The following ACAP2 variants were observed in gnomAD, a reference collection of about 807,000 sequenced individuals.
The protein encoded by ACAP2 is ArfGAP with coiled-coil, ankyrin repeat and PH domains 2.
Under a neutral mutation model 115.8 loss-of-function variants are expected in ACAP2, and 39 were observed. The ratio of observed to expected loss-of-function variants is 0.34; its 90% CI spans 0.26 to 0.44. The LOEUF is 0.44. ACAP2 is among the 20% of genes least tolerant of loss of function. ACAP2 has a pLI of 1.00. For missense variants in ACAP2, 662 were observed against 927.6 expected (o/e 0.71, Z 3.72); for synonymous variants, 289 against 315.8 (o/e 0.92, Z 0.90).
At chr3:195,338,074 A>G (rs997594670) in intron 6 of ACAP2, among the ~76,000 whole-genome samples, 3 of 152,144 alleles carry the variant, frequency 2.0e-5, no homozygotes, top group Non-Finnish European at 4.4e-5. Context: ...CTCAAATACC[A>G]TCTCCTCACA....
At chr3:195,366,958 C>A (rs910051848) in intron 4 of ACAP2, among the ~76,000 whole-genome samples, 1 of 151,382 alleles carries the variant, frequency 6.6e-6, no homozygotes, top group Non-Finnish European at 1.5e-5. Flanking sequence ...ACTACTCAAC[C>A]CTGCTGCTGT....
intron 1 of ACAP2, among the ~76,000 whole-genome samples, chr3:195,423,622 C>CA (rs59649323): frequency 0.2 from 18,502 of 92,306 alleles, 1,770 homozygotes; most frequent in Admixed American, 0.28. Flanking sequence ...GACTCCGTCT[C>CA]AAAAAAAAAA....
intron 1 of ACAP2, among the ~76,000 whole-genome samples, chr3:195,426,488 T>C (rs1714694332): frequency 6.6e-6 from 1 of 152,208 alleles, no homozygotes; most frequent in Non-Finnish European, 1.5e-5. Context: ...GCAAGTAACC[T>C]AAGAGTGTTA....
At chr3:195,295,393 A>C (rs1306382650) in intron 17 of ACAP2, 5 of 680,694 alleles carry the variant, frequency 7.3e-6, no homozygotes, top group Non-Finnish European at 1.1e-5. Context: ...TAGGAGGAAA[A>C]AATAGGAAGG....
At chr3:195,349,497 A>T (rs568955196) in intron 4 of ACAP2, among the ~76,000 whole-genome samples, 13 of 152,140 alleles carry the variant, frequency 8.5e-5, no homozygotes, top group South Asian at 2.1e-4. Flanking sequence ...CAAACAAACA[A>T]AAAAAGCCAT....
chr3:195,342,037 G>A (rs966676045), intron 6 of ACAP2, among the ~76,000 whole-genome samples: 11 of 151,884 alleles, frequency 7.2e-5, no homozygotes, highest in African/African-American at 2.7e-4. Flanking sequence ...TTTCCTGTTG[G>A]GTACAATGTA....
At chr3:195,309,835 TTACG>T (rs1213564267) in intron 10 of ACAP2, among the ~76,000 whole-genome samples, 1 of 152,178 alleles carries the variant, frequency 6.6e-6, no homozygotes, top group African/African-American at 2.4e-5. Context: ...AACAATTTAC[TTACG>T]ATCTTTTTTA....
intron 15 of ACAP2, among the ~76,000 whole-genome samples, chr3:195,300,109 C>G (rs796837115): frequency 6.9e-6 from 1 of 144,130 alleles, no homozygotes; most frequent in Non-Finnish European, 1.5e-5. Flanking sequence ...TGCAGTGGTG[C>G]GATCTCGGCT....
At chr3:195,301,025 A>G (rs774048773) in intron 15 of ACAP2, among the ~76,000 whole-genome samples, 10 of 152,220 alleles carry the variant, frequency 6.6e-5, no homozygotes, top group Non-Finnish European at 8.8e-5. Flanking sequence ...CAAGGAAAAC[A>G]AGAACAGTGA....
intron 1 of ACAP2, among the ~76,000 whole-genome samples, chr3:195,426,111 C>T (rs913137197): frequency 6.6e-5 from 10 of 152,190 alleles, no homozygotes. Context: ...TCCTTGCCTA[C>T]CTCTGATCTT....
chr3:195,409,879 C>CAAAAAAAAAAAAA (rs59779977), intron 1 of ACAP2, among the ~76,000 whole-genome samples: 4 of 56,978 alleles, frequency 7.0e-5, no homozygotes, highest in African/African-American at 7.8e-5. Context: ...GACTCCATCT[C>CAAAAAAAAAAAAA]AAAAAAAAAA....
chr3:195,295,890 T>C lies in ACAP2; in HGVS notation c.1490A>G (p.Gln497Arg). The C allele has an allele frequency of 6.2e-7, 1 of 1,603,930 alleles. No individual in the cohort carries two copies. Among genetic ancestry groups the C allele is most frequent in the Non-Finnish European group, 8.5e-7 (1 of 1,176,258 alleles). ...TGCTCTGATATATGCCTCCTTCTCC[T>C]GTCTGACAGACATAAAAATGTCATG... ...GIKKPQPGQRQEKEAYIRAKY... is the reference protein window; with the variant it reads ...GIKKPQPGQRREKEAYIRAKY... Residue 497 changes from glutamine to arginine, a missense_variant and splice_region_variant, in exon 17 of 23, where the codon CAG (glutamine) becomes CGG (arginine). Transcript: ENST00000326793.
At chr3:195,356,709 G>A (rs1390317840) in intron 4 of ACAP2, among the ~76,000 whole-genome samples, 3 of 152,000 alleles carry the variant, frequency 2.0e-5, no homozygotes, top group Admixed American at 1.3e-4. Flanking sequence ...TAACTCCCGG[G>A]TGATATTTTT....
At chr3:195,310,671 C>G (rs1252587117) in intron 10 of ACAP2, among the ~76,000 whole-genome samples, 1 of 152,192 alleles carries the variant, frequency 6.6e-6, no homozygotes, top group Non-Finnish European at 1.5e-5. Context: ...CCAGCTGCAT[C>G]TTAGGACAAT....
chr3:195,375,049 G>T (rs1020638727), intron 4 of ACAP2, among the ~76,000 whole-genome samples: 3 of 151,816 alleles, frequency 2.0e-5, no homozygotes, highest in African/African-American at 7.3e-5. Context: ...AAAATTAGCT[G>T]GGCCTGGAAG....
rs1714749052 is a variant in ACAP2 at position 195,427,181 on chromosome 3, C to G, written c.53+15614G>C. Among the ~76,000 whole-genome samples, 4 of 152,086 alleles carry G rather than the reference C, an allele frequency of 2.6e-5. No homozygotes were observed. The South Asian group carries it at 8.3e-4, about 32-fold the overall frequency. On this transcript the variant is annotated intron_variant, in intron 1 of 22. Coordinates refer to ENST00000326793, the MANE Select transcript of ACAP2 (RefSeq NM_012287.6). ...CATGAGCCAAGGAATATGGGCAGCC[C>G]TTTGAAATTGGAGAAGGCAAGGTAT... is the stretch of plus-strand genomic sequence containing the variant.
intron 1 of ACAP2, among the ~76,000 whole-genome samples, chr3:195,396,793 G>GAAAAAA (rs62983860): frequency 1.2e-3 from 113 of 91,746 alleles, no homozygotes; most frequent in African/African-American, 1.9e-3. Flanking sequence ...TCTCAAAAAA[G>GAAAAAA]AAAAAAAAAA....
intron 22 of ACAP2, among the ~76,000 whole-genome samples, chr3:195,281,571 G>GA (rs890358928): frequency 6.6e-5 from 10 of 151,822 alleles, no homozygotes; most frequent in Admixed American, 2.6e-4. Context: ...ACTTTAAAAA[G>GA]AAAAAAACAG....
At chr3:195,301,343 C>G (rs1249328167) in intron 15 of ACAP2, among the ~76,000 whole-genome samples, 1 of 152,154 alleles carries the variant, frequency 6.6e-6, no homozygotes, top group Non-Finnish European at 1.5e-5. Context: ...GCCTCGGCTT[C>G]CTAAAGTGCT....
Sources: allele counts gnomAD v4.1 joint callset (sites outside exome capture counted in the v4.1 genomes callset), GRCh38; gene constraint gnomAD v4.1.1; transcripts MANE v1.5; gene names NCBI Gene and HGNC (gene_info 2026-07-23, HGNC 2026-07-21).